Variants in ASXL1 observed in about 807,000 individuals in gnomAD.
ASXL1 encodes ASXL transcriptional regulator 1, also known as polycomb group protein ASXL1.
A neutral mutation model predicts 89.1 loss-of-function variants in ASXL1; 65 were observed. The ratio of observed to expected loss-of-function variants is 0.73; its 90% CI spans 0.60 to 0.90. The LOEUF (loss-of-function observed/expected upper bound fraction) is 0.90. ASXL1 is among the 40% of genes least tolerant of loss of function. ASXL1 has a pLI of 0.00. For missense variants in ASXL1, 1,786 were observed against 1,942.9 expected (o/e 0.92, Z 1.52); for synonymous variants, 739 against 746.9 (o/e 0.99, Z 0.17).
intron 4 of ASXL1, chr20:32,371,988 C>T: frequency 1.9e-6 from 1 of 536,796 alleles, no homozygotes; most frequent in Admixed American, 3.3e-5. Context: ...TACAAATATG[C>T]CTGTTAATGG....
rs755749479 is a variant in ASXL1 at position 32,433,403 on chromosome 20, G to A, written c.1205G>A (p.Arg402Gln). ...CGTATACAGCGTGGTCCAGCCACCC[G>A]ACAGCGAGATGGGCATTTTAAGAAA... ...SVRIQRGPATRQRDGHFKKRS... is the reference protein window; with the variant it reads ...SVRIQRGPATQQRDGHFKKRS... Residue 402 changes from arginine to glutamine, a missense_variant, in exon 12 of 13, where the codon CGA becomes CAA. Around this residue, in one of 3 missense-constraint regions of ASXL1, gnomAD observed 1,418 missense variants for 1,427.8 expected, o/e 0.99. Coordinates refer to ENST00000375687, the MANE Select transcript of ASXL1 (RefSeq NM_015338.6). 41 of 1,614,056 alleles carry A rather than the reference G, an allele frequency of 2.5e-5. No individual in the cohort carries two copies. Among genetic ancestry groups the A allele is most frequent in the Middle Eastern group, 3.3e-4 (2 of 6,082 alleles).
At chr20:32,365,087 A>G (rs183804438) in intron 1 of ASXL1, among the ~76,000 whole-genome samples, 47 of 152,316 alleles carry the variant, frequency 3.1e-4, no homozygotes, top group Admixed American at 2.5e-3. Flanking sequence ...GAAGAGGTGA[A>G]TTAGAGTTGC....
At chr20:32,359,582 C>T in intron 1 of ASXL1, 1 of 672,552 alleles carries the variant, frequency 1.5e-6, no homozygotes, top group African/African-American at 1.8e-5. Context: ...GGCTGTTTGC[C>T]TTCAGAAGCT....
intron 1 of ASXL1, among the ~76,000 whole-genome samples, chr20:32,363,626 G>A (rs2048159017): frequency 6.6e-6 from 1 of 152,214 alleles, no homozygotes; most frequent in Non-Finnish European, 1.5e-5. Flanking sequence ...ATAATTGTAT[G>A]TGTTATGAAA....
chr20:32,358,725 C>G lies in ASXL1; in HGVS notation c.-51C>G. On this transcript the variant is annotated 5_prime_UTR_variant, in exon 1 of 13. Transcript: ENST00000375687. Reference sequence around the variant, plus strand: ...CCAGCCCCGCGCCACCGCCCCAGCCCGCCCAGCCCGGAGGTCCCGCGTGGA... The same window carrying G: ...CCAGCCCCGCGCCACCGCCCCAGCCGGCCCAGCCCGGAGGTCCCGCGTGGA... The G allele has an allele frequency of 8.5e-7, 1 of 1,179,306 alleles. No homozygotes were observed. The highest frequency in any genetic ancestry group is 1.4e-5 in the South Asian group (1 of 72,372). 73.1% of individuals were successfully genotyped at this position (1,179,306 alleles called of 1,614,324 possible). A position where few individuals can be genotyped will look rare whatever the true frequency, so the allele number is the denominator to read the frequency against.
rs1277374643 is a variant in ASXL1, at chr20:32,360,591, G to T, written c.57+1759G>T. The T allele has an allele frequency of 2.6e-5, 4 of 153,066 alleles. No individual in the cohort carries two copies. The East Asian group carries it at 7.5e-4, about 29-fold the overall frequency. 9.5% of individuals were successfully genotyped at this position (153,066 alleles called of 1,614,324 possible). ...CCAGAGTTTTACTTGTTAGAGGTAG[G>T]TGAAAGTACTTTTAAGTCTTGTGTT... On this transcript the variant is annotated intron_variant, in intron 1 of 12. Coordinates refer to ENST00000375687, the MANE Select transcript of ASXL1 (RefSeq NM_015338.6).
At chr20:32,415,713 T>G (rs2049127383) in intron 4 of ASXL1, among the ~76,000 whole-genome samples, 1 of 152,194 alleles carries the variant, frequency 6.6e-6, no homozygotes. Flanking sequence ...CTTACCTTCC[T>G]GCTCAACCTG....
intron 4 of ASXL1, among the ~76,000 whole-genome samples, chr20:32,407,313 C>T (rs1371966780): frequency 6.6e-6 from 1 of 150,658 alleles, no homozygotes; most frequent in Non-Finnish European, 1.5e-5. Flanking sequence ...CACTGCTCTC[C>T]AACCTGGGCA....
intron 3 of ASXL1, 25 bp downstream of exon 3, chr20:32,367,754 T>C (rs985549698): frequency 1.9e-5 from 15 of 780,854 alleles, no homozygotes; most frequent in Non-Finnish European, 2.9e-5. Context: ...TTGGGACATA[T>C]GGAATTGAGA....
Position 32,382,058 on chromosome 20 carries a change from T to C in ASXL1, c.252+12935T>C, listed in dbSNP as rs529456965. Among the ~76,000 whole-genome samples, 101 of 149,706 alleles carry C rather than the reference T, an allele frequency of 6.7e-4. 2 individuals are homozygous for C. The Middle Eastern group carries it at 0.018, about 26-fold the overall frequency. On this transcript the variant is annotated intron_variant, in intron 4 of 12. Coordinates refer to ENST00000375687, the MANE Select transcript of ASXL1 (RefSeq NM_015338.6). ...GCAACCTCCACTTCCCGGGTTCAAG[T>C]GATTCTCCTGCCCCAGCCTCCCGAG...
intron 4 of ASXL1, among the ~76,000 whole-genome samples, chr20:32,398,768 C>G (rs1415149313): frequency 6.6e-6 from 1 of 151,430 alleles, no homozygotes; most frequent in African/African-American, 2.4e-5. Context: ...CGCCACTACG[C>G]CCGGCTCATT....
intron 4 of ASXL1, among the ~76,000 whole-genome samples, chr20:32,415,030 T>C (rs892155623): frequency 9.2e-5 from 14 of 152,024 alleles, no homozygotes; most frequent in African/African-American, 3.1e-4. Context: ...TTGTTTGAGA[T>C]GGAGTTTATC....
intron 1 of ASXL1, 169 bp downstream of exon 1, chr20:32,359,001 C>T (rs1419155052): frequency 1.4e-6 from 1 of 728,472 alleles, no homozygotes; most frequent in African/African-American, 1.8e-5. Context: ...GGGGAGCGCT[C>T]CGCCGGGATG....
chr20:32,434,952 C>T lies in ASXL1; in HGVS notation c.2240C>T (p.Ser747Phe). Residue 747 changes from serine (S) to phenylalanine (F), a missense_variant, in exon 13 of 13, where the codon TCC (serine) becomes TTC (phenylalanine). By Grantham distance (155) the Ser-to-Phe change is radical. This residue lies in a region of ASXL1 where 1,418 missense variants were observed against 1,427.8 expected (regional missense o/e 0.99). Coordinates refer to ENST00000375687, the MANE Select transcript of ASXL1 (RefSeq NM_015338.6). ...VGLTDGLGDA[S>F]QLPVAPTGDQ... ...CTCACAGATGGGCTAGGAGATGCCT[C>T]CCAACTCCCCGTTGCTCCCACTGGG... 6.2e-7 allele frequency: 1 copy of T among 1,614,174 alleles called. No homozygotes were observed. Among genetic ancestry groups the T allele is most frequent in the Non-Finnish European group, 8.5e-7 (1 of 1,180,024 alleles).
intron 10 of ASXL1, among the ~76,000 whole-genome samples, chr20:32,432,152 T>C (rs569420509): frequency 7.9e-5 from 12 of 152,300 alleles, no homozygotes; most frequent in African/African-American, 2.6e-4. Flanking sequence ...CATATAGTTA[T>C]ATGTACAGGG....
chr20:32,389,075 C>T (rs1177089708), intron 4 of ASXL1, among the ~76,000 whole-genome samples: 1 of 152,092 alleles, frequency 6.6e-6, no homozygotes, highest in Non-Finnish European at 1.5e-5. Context: ...TTTCCTTTCC[C>T]TCACTGCTTT....
At chr20:32,420,327 C>CTT (rs559833866) in intron 4 of ASXL1, among the ~76,000 whole-genome samples, 1 of 147,354 alleles carries the variant, frequency 6.8e-6, no homozygotes, top group Non-Finnish European at 1.5e-5. Flanking sequence ...TGATATTTTG[C>CTT]TTTTTTTTTT....
At chr20:32,404,470 A>T (rs1016411955) in intron 4 of ASXL1, among the ~76,000 whole-genome samples, 1 of 152,094 alleles carries the variant, frequency 6.6e-6, no homozygotes, top group African/African-American at 2.4e-5. Context: ...GACATTATTG[A>T]TGTTAGTGTG....
Position 32,436,544 on chromosome 20 carries a change from A to G in ASXL1, c.3832A>G (p.Asn1278Asp). The G allele has an allele frequency of 6.2e-7, 1 of 1,614,206 alleles. No homozygotes were observed. The highest frequency in any genetic ancestry group is 1.3e-5 in the African/African-American group (1 of 75,058). ...GAGAACACCTCGTTTCTCATCTCCA[A>G]ATGTGATCTCCTTTGGTCCAGAGCA... is the stretch of plus-strand genomic sequence containing the variant. ...TSRTPRFSSP[N>D]VISFGPEQTG... is the part of the protein sequence containing the mutation. The change falls in exon 13 of 13, where the codon AAT becomes GAT. Residue 1278 changes from asparagine to aspartate, a missense_variant. Coordinates refer to ENST00000375687, the MANE Select transcript of ASXL1 (RefSeq NM_015338.6).
Sources: gnomAD v4.1 joint callset for allele counts (sites outside exome capture counted in the v4.1 genomes callset) on GRCh38, gnomAD v4.1.1 for gene constraint, gnomAD v4.1.1 regional missense constraint, MANE v1.5 for transcripts, NCBI Gene and HGNC (gene_info 2026-07-23, HGNC 2026-07-21) for gene names.